Variants in ARHGAP23 observed in about 807,000 individuals in gnomAD.
ARHGAP23 encodes the protein Rho GTPase activating protein 23.
A neutral mutation model predicts 136.3 loss-of-function variants in ARHGAP23; 34 were observed. The ratio of observed to expected loss-of-function variants is 0.25; its 90% CI spans 0.19 to 0.33. ARHGAP23 has a LOEUF of 0.33. ARHGAP23 is among the 10% of genes least tolerant of loss of function. The pLI is 1.00. For missense variants in ARHGAP23, 1,808 were observed against 2,139.0 expected, an observed-to-expected ratio of 0.85 and a Z score of 3.05; for synonymous variants, 832 against 920.5, an observed-to-expected ratio of 0.90 and a Z score of 1.74.
At chr17:38,479,619 C>T (rs2039982240) in intron 13 of ARHGAP23, 122 bp downstream of exon 13, 3 of 1,418,594 alleles carry the variant, frequency 2.1e-6, no homozygotes, top group South Asian at 1.3e-5. Context: ...TATCCAGGGT[C>T]TCCAGGCTGC....
intron 10 of ARHGAP23, among the ~76,000 whole-genome samples, chr17:38,470,677 C>T (rs1275239398): frequency 1.3e-5 from 2 of 151,974 alleles, no homozygotes; most frequent in Non-Finnish European, 2.9e-5. Context: ...GCTGGGATTA[C>T]AGGCGTGTGC....
chr17:38,430,581 G>A (rs1405518601), intron 1 of ARHGAP23, among the ~76,000 whole-genome samples: 1 of 152,174 alleles, frequency 6.6e-6, no homozygotes, highest in Non-Finnish European at 1.5e-5. Flanking sequence ...TGATGTGTAA[G>A]GTTAAAAGAG....
intron 2 of ARHGAP23, 143 bp from the exon 3 acceptor site, chr17:38,460,762 C>T (rs2039440197): frequency 1.3e-6 from 2 of 1,512,808 alleles, no homozygotes; most frequent in Non-Finnish European, 8.8e-7. Context: ...TCGGACACCC[C>T]TCCCGCACCC....
intron 20 of ARHGAP23, among the ~76,000 whole-genome samples, chr17:38,494,778 C>T (rs2040354361): frequency 6.6e-6 from 1 of 152,120 alleles, no homozygotes; most frequent in South Asian, 2.1e-4. Flanking sequence ...GAGAACTTAG[C>T]CAGGCAGAGC....
Position 38,466,300 on chromosome 17 carries a change from C to G in ARHGAP23, c.617C>G (p.Thr206Ser), listed in dbSNP as rs1385611329. 2 of 1,547,206 alleles carry G rather than the reference C, an allele frequency of 1.3e-6. No homozygotes were observed. Among genetic ancestry groups the G allele is most frequent in the South Asian group, 1.2e-5 (1 of 84,002 alleles). Reference sequence around the variant, plus strand: ...CCTGCCCGGGCCTCCACCAGGGCCACTATGGTGCCTGAGCCCACCTCAGCA... The same window carrying G: ...CCTGCCCGGGCCTCCACCAGGGCCAGTATGGTGCCTGAGCCCACCTCAGCA... ...APPARASTRA[T>S]MVPEPTSALP... is the part of the protein sequence containing the mutation. Residue 206 changes from threonine to serine, a missense_variant, in exon 7 of 24, where the codon ACT (threonine) becomes AGT (serine). Physicochemically the swap from Thr to Ser is moderately conservative, Grantham distance 58 (BLOSUM62 1). This residue lies in a region of ARHGAP23 where 859 missense variants were observed against 936.4 expected (regional missense o/e 0.92). Coordinates refer to ENST00000622683, the MANE Select transcript of ARHGAP23 (RefSeq NM_001199417.2).
At position 38,458,692 on chromosome 17, in the gene ARHGAP23, T is replaced by C. The variant is rs548300781; in HGVS notation, c.225+429T>C. Among the ~76,000 whole-genome samples the C allele has an allele frequency of 7.2e-5, 11 of 152,248 alleles. No homozygotes were observed. In the South Asian group the frequency reaches 2.3e-3, roughly 32 times the overall value. The stretch of plus-strand genomic sequence containing the variant: ...TGCTCCTCCCCTCTCCAGCGTGAGC[T>C]CTCAGGGGCCTAGCCCACCTGTGGG... On this transcript the variant is annotated intron_variant, in intron 2 of 23. Transcript: ENST00000622683.
chr17:38,484,426 T>C (rs1172792254), intron 16 of ARHGAP23, among the ~76,000 whole-genome samples: 1 of 151,986 alleles, frequency 6.6e-6, no homozygotes, highest in East Asian at 1.9e-4. Context: ...AGGCGCTATA[T>C]TGAGCCTGGA....
At position 38,477,134 on chromosome 17, in the gene ARHGAP23, G is replaced by T. The variant is rs190071041; in HGVS notation, c.2119-445G>T. Among the ~76,000 whole-genome samples the T allele has an allele frequency of 6.1e-4, 93 of 152,260 alleles. 2 individuals are homozygous for T. In the Middle Eastern group the frequency reaches 0.01, roughly 17 times the overall value. ...AGCTTCTGGGCAAGTGGAGTCTTGGGTGGGCGGCAGGAAAGTGGGGAGAAC... is the reference window on the plus strand; with the variant it reads ...AGCTTCTGGGCAAGTGGAGTCTTGGTTGGGCGGCAGGAAAGTGGGGAGAAC... On this transcript the variant is annotated intron_variant, in intron 11 of 23. Coordinates refer to ENST00000622683, the MANE Select transcript of ARHGAP23 (RefSeq NM_001199417.2). The surrounding 1 kb of genome is among the most constrained non-coding windows in gnomAD (Gnocchi z 6.6).
At chr17:38,468,873 AG>A (rs1247848741) in intron 7 of ARHGAP23, among the ~76,000 whole-genome samples, 3 of 152,092 alleles carry the variant, frequency 2.0e-5, no homozygotes, top group Non-Finnish European at 4.4e-5. Context: ...TGCCCTCAGC[AG>A]GCTCCCAGTC....
rs1014696664 is a variant in ARHGAP23 at position 38,510,589 on chromosome 17, C to T, written c.4093C>T (p.Arg1365Trp). The T allele has an allele frequency of 6.3e-6, 8 of 1,276,208 alleles. No individual in the cohort carries two copies. The highest frequency in any genetic ancestry group is 4.7e-5 in the African/African-American group (3 of 63,904). The allele number at this position is 1,276,208 out of a possible 1,614,324, so 79.1% of individuals were successfully genotyped here. A position where few individuals can be genotyped will look rare whatever the true frequency, so the allele number is the denominator to read the frequency against. The part of the protein sequence containing the change: ...LRPPAAALAS[R>W]PSRMEALRLR... ...GCCCCCGGCGGCGGCGCTGGCCTCCCGGCCCTCGCGCATGGAGGCGCTGCG... is the reference window on the plus strand; with the variant it reads ...GCCCCCGGCGGCGGCGCTGGCCTCCTGGCCCTCGCGCATGGAGGCGCTGCG... The change falls in exon 24 of 24, where the codon CGG (arginine) becomes TGG (tryptophan). Residue 1365 changes from arginine to tryptophan, a missense_variant. Physicochemically the swap from Arg to Trp is moderately radical, Grantham distance 101. Around this residue, in one of 7 missense-constraint regions of ARHGAP23, gnomAD observed 506 missense variants for 455.8 expected, o/e 1.11. Transcript: ENST00000622683. The surrounding 1 kb of genome is among the most constrained non-coding windows in gnomAD (Gnocchi z 4.6).
intron 1 of ARHGAP23, 83 bp downstream of exon 1, chr17:38,428,631 C>A: frequency 1.0e-6 from 1 of 975,816 alleles, no homozygotes; most frequent in Non-Finnish European, 1.4e-6. Flanking sequence ...TGCGACCCCG[C>A]TCGCCCTGCA....
chr17:38,510,517 C>G lies in ARHGAP23; in HGVS notation c.4021C>G (p.Pro1341Ala). Residue 1341 changes from proline to alanine, a missense_variant, in exon 24 of 24, where the codon CCG (proline) becomes GCG (alanine). By Grantham distance (27) the Pro-to-Ala change is conservative. Around this residue, in one of 7 missense-constraint regions of ARHGAP23, gnomAD observed 506 missense variants for 455.8 expected, o/e 1.11. Coordinates refer to ENST00000622683, the MANE Select transcript of ARHGAP23 (RefSeq NM_001199417.2). This position sits in a 1 kb window ranked among gnomAD's most constrained non-coding sequence, Gnocchi z 4.6. The part of the protein sequence containing the change: ...EGAGRGGPRA[P>A]EPPGSASSSS... Reference sequence around the variant, plus strand: ...CGCGGGCCGGGGCGGTCCCCGCGCCCCGGAGCCGCCCGGCTCGGCGTCGTC... The same window carrying G: ...CGCGGGCCGGGGCGGTCCCCGCGCCGCGGAGCCGCCCGGCTCGGCGTCGTC... 8.8e-7 allele frequency: 1 copy of G among 1,135,334 alleles called. No individual in the cohort carries two copies. Among genetic ancestry groups the G allele is most frequent in the Non-Finnish European group, 1.1e-6 (1 of 928,296 alleles). 70.3% of individuals were successfully genotyped at this position (1,135,334 alleles called of 1,614,324 possible). A position where few individuals can be genotyped will look rare whatever the true frequency, so the allele number is the denominator to read the frequency against.
Position 38,428,514 on chromosome 17 carries a change from G to A in ARHGAP23, c.29G>A (p.Gly10Glu), listed in dbSNP as rs933267433. The A allele has an allele frequency of 2.1e-6, 3 of 1,456,772 alleles. No homozygotes were observed. Among genetic ancestry groups the A allele is most frequent in the Non-Finnish European group, 9.0e-7 (1 of 1,108,174 alleles). 90.2% of individuals were successfully genotyped at this position (1,456,772 alleles called of 1,614,324 possible). A position where few individuals can be genotyped will look rare whatever the true frequency, so the allele number is the denominator to read the frequency against. MNGVAFCLV[G>E]IPPRPEPRPP... ...AATGGAGTCGCCTTCTGCCTGGTCG[G>A]GATCCCGCCCCGCCCGGAGCCCCGG... The change falls in exon 1 of 24, where the codon GGG becomes GAG. Residue 10 changes from glycine (G) to glutamate (E), a missense_variant. Coordinates refer to ENST00000622683, the MANE Select transcript of ARHGAP23 (RefSeq NM_001199417.2).
At chr17:38,423,982 T>G (rs2038545321), upstream of ARHGAP23, among the ~76,000 whole-genome samples, 1 of 152,160 alleles carries the variant, frequency 6.6e-6, no homozygotes, top group African/African-American at 2.4e-5. Flanking sequence ...AATGTGAGCC[T>G]CAAATCAGAG....
At chr17:38,452,005 G>C (rs1265575522) in intron 1 of ARHGAP23, 1 of 152,722 alleles carries the variant, frequency 6.5e-6, no homozygotes, top group Non-Finnish European at 1.5e-5. Flanking sequence ...TTGCACGGAG[G>C]GGGAGCCCAG....
rs964448907 is a variant in ARHGAP23, at chr17:38,437,778, A to G, written c.63+9230A>G. Reference sequence around the variant, plus strand: ...CACAGCTGAGCCCTGAAATCCAAGCAAAGGTTGGCATAACGAAGGGGGGGG... The same window carrying G: ...CACAGCTGAGCCCTGAAATCCAAGCGAAGGTTGGCATAACGAAGGGGGGGG... On this transcript the variant is annotated intron_variant, in intron 1 of 23. Coordinates refer to ENST00000622683, the MANE Select transcript of ARHGAP23 (RefSeq NM_001199417.2). 7.7e-5 allele frequency among the ~76,000 whole-genome samples: 9 copies of G among 116,582 alleles called. No homozygotes were observed. In the Middle Eastern group the frequency reaches 0.012, roughly 159 times the overall value. 76.5% of individuals were successfully genotyped at this position (116,582 alleles called of 152,430 possible).
chr17:38,488,757 CAG>C (rs2040209533), intron 17 of ARHGAP23, among the ~76,000 whole-genome samples: 2 of 152,186 alleles, frequency 1.3e-5, no homozygotes, highest in Admixed American at 6.5e-5. Flanking sequence ...CCACGTTGGC[CAG>C]GCTGGTCTTG....
chr17:38,492,443 A>G (rs1051744992), intron 20 of ARHGAP23, among the ~76,000 whole-genome samples: 1 of 152,152 alleles, frequency 6.6e-6, no homozygotes, highest in African/African-American at 2.4e-5. Flanking sequence ...CCCATTTTAC[A>G]GAGGAGGAAA....
intron 1 of ARHGAP23, among the ~76,000 whole-genome samples, chr17:38,447,072 G>A (rs2039050283): frequency 6.6e-6 from 1 of 152,128 alleles, no homozygotes; most frequent in South Asian, 2.1e-4. Context: ...ACAGGTATGA[G>A]CCACTGTGCC....
Sources: gnomAD v4.1 joint callset for allele counts (sites outside exome capture counted in the v4.1 genomes callset) on GRCh38, gnomAD v4.1.1 for gene constraint, gnomAD v4.1.1 regional missense constraint, Gnocchi (gnomAD v3.1) non-coding constraint, MANE v1.5 for transcripts, NCBI Gene and HGNC (gene_info 2026-07-23, HGNC 2026-07-21) for gene names.